The following SOCS4 variants were observed in gnomAD, a reference collection of about 807,000 sequenced individuals.
The protein encoded by SOCS4 is SH2 domain containing SOCS box protein.
In SOCS4, 20 loss-of-function variants were observed where a neutral mutation model predicts 34.1. The observed-to-expected ratio is 0.59, with a 90% confidence interval of 0.41 to 0.85. The LOEUF (loss-of-function observed/expected upper bound fraction) is 0.85, where lower values mean the gene tolerates loss of function less well. SOCS4 is among the 40% of genes least tolerant of loss of function. The pLI, the probability that SOCS4 is intolerant of heterozygous loss-of-function variation, is 0.00. For synonymous variants in SOCS4, 180 were observed against 186.4 expected (o/e 0.97, Z 0.28); for missense variants, 479 against 532.4 (o/e 0.90, Z 0.99).
chr14:55,042,522 G>A (rs1228202822), intron 2 of SOCS4, among the ~76,000 whole-genome samples: 1 of 152,188 alleles, frequency 6.6e-6, no homozygotes, highest in African/African-American at 2.4e-5. Context: ...ACTATGTAGG[G>A]TAGTAGTTCT....
chr14:55,043,609 C>T lies in SOCS4; in HGVS notation c.568C>T (p.His190Tyr). Reference sequence around the variant, plus strand: ...GGAAGAAAATATAAACTGTTTCTCACATACCAATGTTCAGCCCTGTGTCAT... The same window carrying T: ...GGAAGAAAATATAAACTGTTTCTCATATACCAATGTTCAGCCCTGTGTCAT... Reference protein sequence around the residue: ...NMEENINCFSHTNVQPCVITT... With the variant: ...NMEENINCFSYTNVQPCVITT... The change falls in exon 3 of 3, where the codon CAT (histidine) becomes TAT (tyrosine). Residue 190 changes from histidine (H) to tyrosine (Y), a missense_variant. His to Tyr is a moderately conservative substitution (Grantham distance 83, BLOSUM62 2). Transcript: ENST00000555846. The T allele has an allele frequency of 6.2e-7, 1 of 1,614,150 alleles. No homozygotes were observed. Among genetic ancestry groups the T allele is most frequent in the South Asian group, 1.1e-5 (1 of 91,080 alleles).
In SOCS4 at chr14:55,043,962, C is replaced by G. The variant is rs1278254192; in HGVS notation, c.921C>G (p.Thr307=). ...TACTGGAAGGAAAACCAGAGGGTAC[C>G]TTTTTACTTCGAGACTCAGCACAGG... The part of the protein sequence containing the change: ...EALLEGKPEG[T]FLLRDSAQED... Residue 307 remains threonine (T), a synonymous_variant, in exon 3 of 3, where the codon ACC becomes ACG. Transcript: ENST00000555846. 6.2e-7 allele frequency: 1 copy of G among 1,614,066 alleles called. No individual in the cohort carries two copies. The highest frequency in any genetic ancestry group is 8.5e-7 in the Non-Finnish European group (1 of 1,179,992).
In SOCS4 at chr14:55,043,038, TA is replaced by T. The variant is rs1249798397; in HGVS notation, c.-2del. ...TAACATTAGAATCTGGATAATTTGT[TA>T]ACATGGCAGAAAATAATGAAAATAT... On this transcript the variant is annotated 5_prime_UTR_variant, in exon 3 of 3. Transcript: ENST00000555846. 4 of 1,596,134 alleles carry T rather than the reference TA, an allele frequency of 2.5e-6. No homozygotes were observed. In the African/African-American group the frequency reaches 5.4e-5, roughly 22 times the overall value.
In SOCS4 at chr14:55,047,738, G is replaced by A; in HGVS notation, c.*3374G>A. ...TAAGTAGAACAAATGTGGCAAGTAG[G>A]ACTCCTATCGGTATACAAATTCCAT... On this transcript the variant is annotated 3_prime_UTR_variant, in exon 3 of 3. Coordinates refer to ENST00000555846, the MANE Select transcript of SOCS4 (RefSeq NM_199421.2). 1 of 167,150 alleles carries A rather than the reference G, an allele frequency of 6.0e-6. No individual in the cohort carries two copies. 10.4% of individuals were successfully genotyped at this position (167,150 alleles called of 1,614,324 possible).
At chr14:55,028,128 G>T (rs958941802) in intron 1 of SOCS4, among the ~76,000 whole-genome samples, 2 of 151,928 alleles carry the variant, frequency 1.3e-5, no homozygotes, top group African/African-American at 4.8e-5. Context: ...TACCTGAGAC[G>T]TTTTTCTGTT....
intron 2 of SOCS4, among the ~76,000 whole-genome samples, chr14:55,037,180 T>C (rs947270559): frequency 2.0e-5 from 3 of 151,244 alleles, no homozygotes; most frequent in African/African-American, 7.3e-5. Context: ...AGTCTCACTC[T>C]GTCGCCCAGG....
chr14:55,031,486 A>G (rs923204772), intron 1 of SOCS4, among the ~76,000 whole-genome samples: 2 of 152,200 alleles, frequency 1.3e-5, no homozygotes, highest in African/African-American at 4.8e-5. Context: ...TTGAGAGAAG[A>G]AGCATTTCCC....
At chr14:55,037,745 C>T (rs1417907007) in intron 2 of SOCS4, among the ~76,000 whole-genome samples, 1 of 152,132 alleles carries the variant, frequency 6.6e-6, no homozygotes, top group African/African-American at 2.4e-5. Flanking sequence ...CCTCCCGCCT[C>T]GGCCTCCCAA....
chr14:55,038,427 T>TAAA (rs1487275119), intron 2 of SOCS4, among the ~76,000 whole-genome samples: 1 of 152,212 alleles, frequency 6.6e-6, no homozygotes, highest in Non-Finnish European at 1.5e-5. Context: ...GGTGGTCTTC[T>TAAA]AGCTTTTTAT....
intron 1 of SOCS4, chr14:55,027,900 C>T (rs2140239755): frequency 6.6e-6 from 1 of 152,338 alleles, no homozygotes; most frequent in South Asian, 2.1e-4. Context: ...AGAGTTATAA[C>T]TTAGTAGCCT....
At chr14:55,028,362 T>C (rs2042490133) in intron 1 of SOCS4, among the ~76,000 whole-genome samples, 2 of 152,236 alleles carry the variant, frequency 1.3e-5, no homozygotes, top group Admixed American at 1.3e-4. Context: ...TAACCCACTG[T>C]TGATCTCCCG....
At chr14:55,042,397 G>A (rs1048394104) in intron 2 of SOCS4, among the ~76,000 whole-genome samples, 6 of 152,166 alleles carry the variant, frequency 3.9e-5, no homozygotes, top group Non-Finnish European at 2.9e-5. Context: ...TGCTTACTGA[G>A]CATTTTTGCT....
chr14:55,043,256 C>T lies in SOCS4; in HGVS notation c.215C>T (p.Ser72Leu). 1.2e-6 allele frequency: 2 copies of T among 1,614,186 alleles called. No homozygotes were observed. Among genetic ancestry groups the T allele is most frequent in the Non-Finnish European group, 1.7e-6 (2 of 1,180,028 alleles). Residue 72 changes from serine to leucine, a missense_variant, in exon 3 of 3, where the codon TCA becomes TTA. Coordinates refer to ENST00000555846, the MANE Select transcript of SOCS4 (RefSeq NM_199421.2). ...AACCAAGAAAGGAAGCACAGCTGTT[C>T]ATCCATTGAGTTGGACTTAGATCAT... ...LRNQERKHSC[S>L]SIELDLDHSC...
At chr14:55,027,681 C>A (rs773659240) in intron 1 of SOCS4, 2 of 152,246 alleles carry the variant, frequency 1.3e-5, no homozygotes, top group Non-Finnish European at 2.9e-5. Flanking sequence ...TCCTTCGTGC[C>A]CTCACCTTGT....
rs1374006293 is a variant in SOCS4, at chr14:55,047,092, T to G, written c.*2728T>G. 6.0e-6 allele frequency: 1 copy of G among 167,018 alleles called. No individual in the cohort carries two copies. Among genetic ancestry groups the G allele is most frequent in the Non-Finnish European group, 1.5e-5 (1 of 68,106 alleles). The allele number at this position is 167,018 out of a possible 1,614,324, so 10.3% of individuals were successfully genotyped here. On this transcript the variant is annotated 3_prime_UTR_variant, in exon 3 of 3. Coordinates refer to ENST00000555846, the MANE Select transcript of SOCS4 (RefSeq NM_199421.2). ...TGTAAATTCCAGAGTTGAGAAAGCATTTAGCATGGTGGAAATGTGGAGAGC... is the reference window on the plus strand; with the variant it reads ...TGTAAATTCCAGAGTTGAGAAAGCAGTTAGCATGGTGGAAATGTGGAGAGC...
chr14:55,039,424 ACCC>A (rs1418229189), intron 2 of SOCS4, among the ~76,000 whole-genome samples: 3 of 151,224 alleles, frequency 2.0e-5, no homozygotes, highest in Admixed American at 1.3e-4. Context: ...GGCGATAGAG[ACCC>A]TGTCTTAAAA....
Position 55,027,326 on chromosome 14 carries a change from G to T in SOCS4, c.-365G>T. The T allele has an allele frequency of 5.7e-6, 1 of 176,202 alleles. No homozygotes were observed. The highest frequency in any genetic ancestry group is 1.2e-5 in the Non-Finnish European group (1 of 81,718). The allele number at this position is 176,202 out of a possible 1,614,324, so 10.9% of individuals were successfully genotyped here. A position where few individuals can be genotyped will look rare whatever the true frequency, so the allele number is the denominator to read the frequency against. ...GGAACGCCGAAGCGGGGTTGGGGGT[G>T]GCAGAAAAGCATCTGCTTTGTAAGA... On this transcript the variant is annotated 5_prime_UTR_variant, in exon 1 of 3. Transcript: ENST00000555846.
chr14:55,029,481 A>AT (rs1470444628), intron 1 of SOCS4, among the ~76,000 whole-genome samples: 1 of 152,144 alleles, frequency 6.6e-6, no homozygotes, highest in African/African-American at 2.4e-5. Context: ...ACTCACAAAT[A>AT]TTTTTGCTCC....
chr14:55,030,103 C>A (rs1433953360), intron 1 of SOCS4, among the ~76,000 whole-genome samples: 1 of 152,100 alleles, frequency 6.6e-6, no homozygotes, highest in Non-Finnish European at 1.5e-5. Context: ...TTCACCTAGT[C>A]CAAGGTAGTC....
Sources: gnomAD v4.1 joint callset for allele counts (sites outside exome capture counted in the v4.1 genomes callset) on GRCh38, gnomAD v4.1.1 for gene constraint, MANE v1.5 for transcripts, NCBI Gene and HGNC (gene_info 2026-07-23, HGNC 2026-07-21) for gene names.